Variants in TACC1 observed in about 807,000 individuals in gnomAD.
TACC1 encodes the protein transforming acidic coiled-coil containing protein 1.
TACC1 carries 48 observed loss-of-function variants against 84.4 expected under a neutral mutation model. The observed-to-expected ratio is 0.57, with a 90% CI of 0.45 to 0.72. The LOEUF (loss-of-function observed/expected upper bound fraction) is 0.72, where lower values mean the gene tolerates loss of function less well. Ranked by LOEUF, TACC1 falls within the 30% of genes least tolerant of loss-of-function variation. The pLI, the probability that TACC1 is intolerant of heterozygous loss-of-function variation, is 0.00. For missense variants in TACC1, 920 were observed against 973.0 expected, an observed-to-expected ratio of 0.95 and a Z score of 0.72; for synonymous variants, 372 against 376.3, an observed-to-expected ratio of 0.99 and a Z score of 0.13.
chr8:38,731,583 T>A (rs908019124), intron 1 of TACC1, among the ~76,000 whole-genome samples: 5 of 152,186 alleles, frequency 3.3e-5, no homozygotes, highest in African/African-American at 2.4e-5. Flanking sequence ...CACTGGTGTT[T>A]GAAACTATAA....
chr8:38,822,054 C>A (rs955227027), intron 3 of TACC1, among the ~76,000 whole-genome samples: 2 of 151,880 alleles, frequency 1.3e-5, no homozygotes, highest in Admixed American at 1.3e-4. Context: ...GACACCCCCC[C>A]ACACACACCG....
intron 3 of TACC1, among the ~76,000 whole-genome samples, chr8:38,769,852 G>GGT (rs1364279290): frequency 6.9e-6 from 1 of 144,986 alleles, no homozygotes. Context: ...TTAGGGGTGT[G>GGT]GTGTGTGTGA....
At chr8:38,762,633 T>A (rs766649368) in intron 3 of TACC1, among the ~76,000 whole-genome samples, 1 of 152,146 alleles carries the variant, frequency 6.6e-6, no homozygotes, top group Admixed American at 6.5e-5. Flanking sequence ...CTTGGCTCAT[T>A]GCAACCTCCA....
chr8:38,734,380 CG>C (rs1313961075), intron 1 of TACC1, among the ~76,000 whole-genome samples: 1 of 152,096 alleles, frequency 6.6e-6, no homozygotes, highest in Non-Finnish European at 1.5e-5. Flanking sequence ...TTGGTAGAGA[CG>C]GGGTTTCACC....
chr8:38,846,719 A>G lies in TACC1; in HGVS notation c.2249A>G (p.Gln750Arg), dbSNP rs200636791. The part of the protein sequence containing the change: ...KLDKANEEIA[Q>R]VRTKAKAESA... ...AACAGAGCCAATGAAGAGATTGCTC[A>G]GGTTCGAACAAAAGCAAAGGCTGAG... The change falls in exon 12 of 13, where the codon CAG (glutamine) becomes CGG (arginine). Residue 750 changes from glutamine to arginine, a missense_variant. By Grantham distance (43) the Gln-to-Arg change is conservative. Coordinates refer to ENST00000317827, the MANE Select transcript of TACC1 (RefSeq NM_006283.3). The G allele has an allele frequency of 5.3e-5, 85 of 1,614,056 alleles. 1 individual carries two copies. The highest frequency in any genetic ancestry group is 6.7e-5 in the Admixed American group (4 of 60,008).
intron 2 of TACC1, among the ~76,000 whole-genome samples, chr8:38,803,536 C>T (rs1271012354): frequency 6.6e-6 from 1 of 152,138 alleles, no homozygotes; most frequent in Non-Finnish European, 1.5e-5. Context: ...GTTTTGTCCT[C>T]TGTTCTGTTG....
At chr8:38,729,264 G>T (rs1365811825) in intron 1 of TACC1, among the ~76,000 whole-genome samples, 2 of 152,208 alleles carry the variant, frequency 1.3e-5, no homozygotes, top group Non-Finnish European at 2.9e-5. Context: ...CGGGTGCAGG[G>T]ATGTGGCACA....
At chr8:38,843,798 C>G (rs548405992) in intron 11 of TACC1, among the ~76,000 whole-genome samples, 1 of 152,198 alleles carries the variant, frequency 6.6e-6, no homozygotes, top group Non-Finnish European at 1.5e-5. Flanking sequence ...TGGAATGTAT[C>G]ATTTATTTAA....
At chr8:38,794,121 T>C (rs764112162) in intron 2 of TACC1, among the ~76,000 whole-genome samples, 6 of 152,258 alleles carry the variant, frequency 3.9e-5, no homozygotes, top group Middle Eastern at 3.4e-3. Flanking sequence ...GGGGAAGTGA[T>C]GTAATTGGTC....
chr8:38,775,838 G>A (rs932585891), intron 3 of TACC1, among the ~76,000 whole-genome samples: 3 of 152,198 alleles, frequency 2.0e-5, no homozygotes, highest in African/African-American at 7.2e-5. Context: ...TATCATACAT[G>A]ATGAGGTACA....
Position 38,848,298 on chromosome 8 carries a change from G to A in TACC1, c.*275G>A. The A allele has an allele frequency of 3.3e-6, 1 of 301,248 alleles. No homozygotes were observed. Among genetic ancestry groups the A allele is most frequent in the Non-Finnish European group, 6.0e-6 (1 of 165,344 alleles). 18.7% of individuals were successfully genotyped at this position (301,248 alleles called of 1,614,324 possible). A position where few individuals can be genotyped will look rare whatever the true frequency, so the allele number is the denominator to read the frequency against. On this transcript the variant is annotated 3_prime_UTR_variant, in exon 13 of 13. Coordinates refer to ENST00000317827, the MANE Select transcript of TACC1 (RefSeq NM_006283.3). ...AGGTTCCCTTAGGCTGCTGAGTTTG[G>A]GTTTGTGATTTATCTTTAGTTTGTT...
chr8:38,729,335 G>A (rs1344231685), intron 1 of TACC1, among the ~76,000 whole-genome samples: 3 of 152,230 alleles, frequency 2.0e-5, no homozygotes, highest in Non-Finnish European at 2.9e-5. Flanking sequence ...CTCAGGTGCT[G>A]TCTTAAACGT....
At chr8:38,776,889 A>T (rs542438246) in intron 3 of TACC1, among the ~76,000 whole-genome samples, 1 of 152,246 alleles carries the variant, frequency 6.6e-6, no homozygotes, top group East Asian at 1.9e-4. Flanking sequence ...AATCCCCCAG[A>T]GGAGGTTGTA....
At chr8:38,780,803 T>C (rs981633268) in intron 3 of TACC1, among the ~76,000 whole-genome samples, 10 of 152,202 alleles carry the variant, frequency 6.6e-5, no homozygotes, top group Non-Finnish European at 1.3e-4. Flanking sequence ...TTTTACCAAC[T>C]TGGAGTTTCA....
intron 4 of TACC1, among the ~76,000 whole-genome samples, chr8:38,826,020 A>C (rs1174730504): frequency 6.6e-6 from 1 of 152,246 alleles, no homozygotes; most frequent in Non-Finnish European, 1.5e-5. Context: ...AACTAATTGC[A>C]AAACAAAGCG....
intron 3 of TACC1, chr8:38,757,150 C>T (rs757041749): frequency 1.3e-4 from 87 of 695,728 alleles, no homozygotes; most frequent in South Asian, 1.1e-4. Context: ...GAGAAGTTGG[C>T]GGCATCTGAA....
At chr8:38,757,388 A>C in intron 3 of TACC1, 1 of 1,258,736 alleles carries the variant, frequency 7.9e-7, no homozygotes, top group South Asian at 1.3e-5. Flanking sequence ...GGGGAGAGGC[A>C]CCCGAGACCC....
rs1242403059 is a variant in TACC1 at position 38,851,874 on chromosome 8, C to T, written c.*3851C>T. ...ATGTCAAGCCAAAGGTCTAAGAAGTCATCTCCTTCAAATACTTTAATAAAG... is the reference window on the plus strand; with the variant it reads ...ATGTCAAGCCAAAGGTCTAAGAAGTTATCTCCTTCAAATACTTTAATAAAG... On this transcript the variant is annotated 3_prime_UTR_variant, in exon 13 of 13. Coordinates refer to ENST00000317827, the MANE Select transcript of TACC1 (RefSeq NM_006283.3). 3 of 454,454 alleles carry T rather than the reference C, an allele frequency of 6.6e-6. No individual in the cohort carries two copies. The highest frequency in any genetic ancestry group is 4.0e-5 in the African/African-American group (2 of 50,030). The allele number at this position is 454,454 out of a possible 1,614,324, so 28.2% of individuals were successfully genotyped here.
chr8:38,729,495 TCTG>T, intron 1 of TACC1, among the ~76,000 whole-genome samples: 1 of 152,350 alleles, frequency 6.6e-6, no homozygotes, highest in East Asian at 1.9e-4. Flanking sequence ...CAGCATGGCT[TCTG>T]CATAAGGAGT....
Sources: allele counts gnomAD v4.1 joint callset (sites outside exome capture counted in the v4.1 genomes callset), GRCh38; gene constraint gnomAD v4.1.1; transcripts MANE v1.5; gene names NCBI Gene and HGNC (gene_info 2026-07-23, HGNC 2026-07-21).